The following RBFOX3 variants were observed in gnomAD, a reference collection of about 807,000 sequenced individuals.
RBFOX3 encodes the protein RNA binding protein fox-1 homolog 3.
RBFOX3 carries 17 observed loss-of-function variants against 48.7 expected under a neutral mutation model. The observed-to-expected ratio is 0.35, with a 90% CI of 0.24 to 0.52. The LOEUF is 0.52. Among genes scored for constraint, RBFOX3 ranks in the 20% least tolerant of loss-of-function variants. RBFOX3 has a pLI of 0.94. For synonymous variants in RBFOX3, 212 were observed against 209.5 expected (o/e 1.01, Z -0.10); for missense variants, 382 against 497.5 (o/e 0.77, Z 2.21).
intron 2 of RBFOX3, among the ~76,000 whole-genome samples, chr17:79,316,284 G>A (rs1378201079): frequency 7.9e-5 from 12 of 152,154 alleles, no homozygotes; most frequent in Admixed American, 7.2e-4. Flanking sequence ...AAGATCGAAC[G>A]TCACCCATGA....
intron 1 of RBFOX3, among the ~76,000 whole-genome samples, chr17:79,602,799 G>A (rs989693177): frequency 1.8e-4 from 28 of 152,146 alleles, no homozygotes; most frequent in Non-Finnish European, 3.2e-4. Flanking sequence ...AAGCGATGTG[G>A]CAGCAAACTA....
intron 4 of RBFOX3, among the ~76,000 whole-genome samples, chr17:79,171,710 A>G (rs1299731090): frequency 1.8e-5 from 2 of 109,686 alleles, no homozygotes; most frequent in Non-Finnish European, 3.5e-5. Context: ...GATCCTCCCA[A>G]CTCAACCTCC....
At chr17:79,179,225 A>G (rs1210305238) in intron 4 of RBFOX3, among the ~76,000 whole-genome samples, 3 of 150,012 alleles carry the variant, frequency 2.0e-5, no homozygotes, top group South Asian at 2.1e-4. Flanking sequence ...AGTGCCTCCT[A>G]ATGAATCTCA....
intron 4 of RBFOX3, among the ~76,000 whole-genome samples, chr17:79,160,685 TTAA>T (rs2046791445): frequency 1.3e-5 from 2 of 152,170 alleles, no homozygotes; most frequent in South Asian, 4.1e-4. Context: ...CATTTTTTTC[TTAA>T]TAAACATCTT....
At chr17:79,518,951 G>A (rs936321756) in intron 1 of RBFOX3, among the ~76,000 whole-genome samples, 1 of 152,238 alleles carries the variant, frequency 6.6e-6, no homozygotes, top group Non-Finnish European at 1.5e-5. Context: ...GGGCCGAGGC[G>A]GCCACGGCCA....
At chr17:79,420,991 A>C (rs2066258543) in intron 2 of RBFOX3, among the ~76,000 whole-genome samples, 1 of 152,070 alleles carries the variant, frequency 6.6e-6, no homozygotes, top group South Asian at 2.1e-4. Flanking sequence ...ATGGAGGCCC[A>C]GGGGCTTCCC....
chr17:79,523,859 C>T (rs1271096130), intron 1 of RBFOX3, among the ~76,000 whole-genome samples: 2 of 152,170 alleles, frequency 1.3e-5, no homozygotes, highest in Middle Eastern at 3.2e-3. Context: ...GATAAGAGTT[C>T]GGTGTCCTAA....
At chr17:79,112,066 G>A (rs2031855462) in intron 5 of RBFOX3, among the ~76,000 whole-genome samples, 1 of 152,208 alleles carries the variant, frequency 6.6e-6, no homozygotes, top group Admixed American at 6.5e-5. Context: ...AGACGCCCCT[G>A]CCCCACCAGG....
At chr17:79,255,204 C>T (rs1274967281) in intron 3 of RBFOX3, among the ~76,000 whole-genome samples, 1 of 148,978 alleles carries the variant, frequency 6.7e-6, no homozygotes, top group Non-Finnish European at 1.5e-5. Flanking sequence ...GCTGAGTGGC[C>T]CTGTGGTCAC....
chr17:79,149,874 G>A (rs1478002972), intron 4 of RBFOX3, among the ~76,000 whole-genome samples: 3 of 149,192 alleles, frequency 2.0e-5, no homozygotes, highest in African/African-American at 7.4e-5. Context: ...CTCCTCTGGG[G>A]CCTGGAGACA....
chr17:79,222,932 G>T (rs553400542), intron 4 of RBFOX3, among the ~76,000 whole-genome samples: 1 of 152,308 alleles, frequency 6.6e-6, no homozygotes, highest in South Asian at 2.1e-4. Context: ...CCATTCTGGA[G>T]GGTCTGTGAT....
chr17:79,229,837 A>C (rs565236432), intron 4 of RBFOX3, among the ~76,000 whole-genome samples: 1 of 152,298 alleles, frequency 6.6e-6, no homozygotes, highest in African/African-American at 2.4e-5. Context: ...TAATCGACCC[A>C]TCCTAAGCCT....
intron 2 of RBFOX3, among the ~76,000 whole-genome samples, chr17:79,425,461 G>T (rs1027677860): frequency 6.6e-6 from 1 of 152,216 alleles, no homozygotes; most frequent in Non-Finnish European, 1.5e-5. Flanking sequence ...CCTCCCACCC[G>T]GACTGGAGCC....
Position 79,111,727 on chromosome 17 carries a change from C to T in RBFOX3, c.222+3767G>A, listed in dbSNP as rs2031622790. Among the ~76,000 whole-genome samples the T allele has an allele frequency of 1.3e-5, 2 of 152,226 alleles. No individual in the cohort carries two copies. The highest frequency in any genetic ancestry group is 2.9e-5 in the Non-Finnish European group (2 of 68,040). On this transcript the variant is annotated intron_variant, in intron 5 of 14. Coordinates refer to ENST00000693108, the MANE Select transcript of RBFOX3 (RefSeq NM_001350451.2). This position sits in a 1 kb window ranked among gnomAD's most constrained non-coding sequence, Gnocchi z 4.2. The stretch of plus-strand genomic sequence containing the variant: ...GGGTGACAGGCGTGAGCCAACATGC[C>T]CGGCCCGTTAGCAAGCTGAGGGTCC...
At chr17:79,620,172 CATGCACACACAT>C in the RBFOX3 span, among the ~76,000 whole-genome samples, 2 of 147,786 alleles carry the variant, frequency 1.4e-5, no homozygotes, top group Admixed American at 1.4e-4. Flanking sequence ...CATGCACACA[CATGCACACACAT>C]GTGCACATGC....
intron 4 of RBFOX3, among the ~76,000 whole-genome samples, chr17:79,175,163 G>A (rs919350020): frequency 3.9e-5 from 6 of 152,364 alleles, no homozygotes; most frequent in Admixed American, 1.3e-4. Flanking sequence ...GGTCTGACAC[G>A]CAGGTGGGAG....
At chr17:79,493,566 T>C (rs2081011162) in intron 1 of RBFOX3, among the ~76,000 whole-genome samples, 1 of 152,190 alleles carries the variant, frequency 6.6e-6, no homozygotes, top group African/African-American at 2.4e-5. Context: ...AGGCCTTCCC[T>C]GACCACCCAT....
At chr17:79,251,165 T>A (rs1217274882) in intron 3 of RBFOX3, among the ~76,000 whole-genome samples, 2 of 152,100 alleles carry the variant, frequency 1.3e-5, no homozygotes, top group African/African-American at 4.8e-5. Context: ...TGTCCCCTTC[T>A]GGTCCTAGCC....
intron 9 of RBFOX3, chr17:79,098,531 G>A (rs913993033): frequency 2.6e-5 from 4 of 152,290 alleles, no homozygotes; most frequent in African/African-American, 7.2e-5. Context: ...AGCAGCTGGG[G>A]AGTGGCAGAG....
Sources: gnomAD v4.1 joint callset for allele counts (sites outside exome capture counted in the v4.1 genomes callset) on GRCh38, gnomAD v4.1.1 for gene constraint, Gnocchi (gnomAD v3.1) non-coding constraint, MANE v1.5 for transcripts, NCBI Gene and HGNC (gene_info 2026-07-23, HGNC 2026-07-21) for gene names.